Variants in GPHN observed in about 807,000 individuals in gnomAD.
GPHN encodes gephyrin.
Under a neutral mutation model 95.5 loss-of-function variants are expected in GPHN, and 17 were observed. The ratio of observed to expected loss-of-function variants is 0.18; its 90% CI spans 0.12 to 0.27. GPHN has a LOEUF of 0.27. Among genes scored for constraint, GPHN ranks in the 10% least tolerant of loss-of-function variants. The pLI is 1.00. For missense variants in GPHN, 660 were observed against 978.1 expected, an observed-to-expected ratio of 0.67 and a Z score of 4.34; for synonymous variants, 320 against 322.5, an observed-to-expected ratio of 0.99 and a Z score of 0.08.
intron 17 of GPHN, among the ~76,000 whole-genome samples, chr14:67,127,986 C>T (rs570299101): frequency 6.6e-6 from 1 of 152,168 alleles, no homozygotes; most frequent in South Asian, 2.1e-4. Flanking sequence ...ATTTTATATT[C>T]CTGTGTAGCA....
intron 16 of GPHN, among the ~76,000 whole-genome samples, chr14:67,114,595 T>A (rs1000735546): frequency 2.0e-5 from 3 of 151,968 alleles, no homozygotes; most frequent in African/African-American, 4.8e-5. Context: ...GAGGCTGAGG[T>A]GGGAGGATCA....
At chr14:66,883,346 T>G (rs953294476) in intron 5 of GPHN, among the ~76,000 whole-genome samples, 1 of 152,032 alleles carries the variant, frequency 6.6e-6, no homozygotes, top group African/African-American at 2.4e-5. Flanking sequence ...CAGTTCTAAA[T>G]TCTCCATTTG....
At chr14:67,456,473 G>T in the GPHN span, among the ~76,000 whole-genome samples, 1 of 151,988 alleles carries the variant, frequency 6.6e-6, no homozygotes, top group Non-Finnish European at 1.5e-5. Flanking sequence ...ATGGTGGTAG[G>T]CACCTGCAAT....
chr14:67,039,986 G>T (rs1253175683), intron 10 of GPHN, among the ~76,000 whole-genome samples: 1 of 151,980 alleles, frequency 6.6e-6, no homozygotes, highest in Non-Finnish European at 1.5e-5. Flanking sequence ...CCTCAAAGAG[G>T]TGATAATCTA....
the GPHN span, chr14:67,647,452 G>C: frequency 6.3e-6 from 1 of 159,686 alleles, no homozygotes; most frequent in South Asian, 1.9e-4. Context: ...CTTTACTTCT[G>C]GGTGATTAAT....
At chr14:66,996,829 T>C (rs2071837000) in intron 9 of GPHN, among the ~76,000 whole-genome samples, 1 of 152,200 alleles carries the variant, frequency 6.6e-6, no homozygotes, top group Non-Finnish European at 1.5e-5. Flanking sequence ...AAGAGATTCA[T>C]GTTCTTTTAG....
At chr14:67,336,337 TCTC>T in the GPHN span, 1 of 172,982 alleles carries the variant, frequency 5.8e-6, no homozygotes, top group Non-Finnish European at 1.2e-5. Flanking sequence ...TCTATATTCT[TCTC>T]CTATGTTTCA....
chr14:67,637,609 CT>C, the GPHN span, among the ~76,000 whole-genome samples: 1 of 152,020 alleles, frequency 6.6e-6, no homozygotes, highest in Non-Finnish European at 1.5e-5. Context: ...TCTACCAGTC[CT>C]TTGGGTATTG....
chr14:67,685,154 G>A, the GPHN span: 6 of 1,614,080 alleles, frequency 3.7e-6, no homozygotes, highest in African/African-American at 5.3e-5. Flanking sequence ...TGCCGAACCA[G>A]TTCAGATTGG....
chr14:67,179,006 C>T (rs2083174344), intron 21 of GPHN, among the ~76,000 whole-genome samples: 1 of 152,146 alleles, frequency 6.6e-6, no homozygotes, highest in South Asian at 2.1e-4. Context: ...AAGCCTTTCC[C>T]AGACAGACAA....
chr14:66,911,633 CTTG>C (rs1387345909), intron 5 of GPHN, among the ~76,000 whole-genome samples: 3 of 151,770 alleles, frequency 2.0e-5, no homozygotes, highest in Non-Finnish European at 4.4e-5. Context: ...CACGTCATAC[CTTG>C]TTGTGTATTT....
chr14:66,815,123 A>G (rs1372985804), intron 3 of GPHN, among the ~76,000 whole-genome samples: 1 of 152,222 alleles, frequency 6.6e-6, no homozygotes, highest in Non-Finnish European at 1.5e-5. Flanking sequence ...AGGGAAAAAA[A>G]GTATGGAAGG....
intron 1 of GPHN, among the ~76,000 whole-genome samples, chr14:66,658,358 T>A (rs1348193950): frequency 6.6e-6 from 1 of 152,174 alleles, no homozygotes; most frequent in Admixed American, 6.5e-5. Context: ...ATTTAGAATA[T>A]GACATAAACT....
At chr14:67,480,361 C>T in the GPHN span, among the ~76,000 whole-genome samples, 1 of 152,158 alleles carries the variant, frequency 6.6e-6, no homozygotes, top group Non-Finnish European at 1.5e-5. Flanking sequence ...GAGAACAAAA[C>T]TCCCACAGAC....
the GPHN span, among the ~76,000 whole-genome samples, chr14:67,474,123 GCT>G: frequency 6.6e-6 from 1 of 152,124 alleles, no homozygotes; most frequent in Non-Finnish European, 1.5e-5. Context: ...GTGGTGGCCC[GCT>G]CCTGTAATCC....
chr14:67,475,685 T>C, the GPHN span, among the ~76,000 whole-genome samples: 8 of 152,334 alleles, frequency 5.3e-5, no homozygotes, highest in Middle Eastern at 3.4e-3. Flanking sequence ...GGGAAACCAA[T>C]GGATTGACAC....
At chr14:67,496,699 T>A in the GPHN span, among the ~76,000 whole-genome samples, 3 of 149,318 alleles carry the variant, frequency 2.0e-5, no homozygotes, top group Non-Finnish European at 4.5e-5. Context: ...TTCTTCCTAT[T>A]CTTTTCCCTT....
chr14:67,383,131 C>T, the GPHN span, among the ~76,000 whole-genome samples: 18 of 152,232 alleles, frequency 1.2e-4, no homozygotes, highest in African/African-American at 4.1e-4. Flanking sequence ...ATACTATTCT[C>T]ATAAGTTTCA....
chr14:67,332,376 G>T, the GPHN span, among the ~76,000 whole-genome samples: 1 of 152,176 alleles, frequency 6.6e-6, no homozygotes, highest in African/African-American at 2.4e-5. Flanking sequence ...TGGCATTTTA[G>T]GTCCTTGCTC....
Sources: allele counts gnomAD v4.1 joint callset (sites outside exome capture counted in the v4.1 genomes callset), GRCh38; gene constraint gnomAD v4.1.1; transcripts MANE v1.5; gene names NCBI Gene and HGNC (gene_info 2026-07-23, HGNC 2026-07-21).